The following CADM2 variants were observed in gnomAD, a reference collection of about 807,000 sequenced individuals.
The protein encoded by CADM2 is immunoglobulin superfamily member 4D.
CADM2 carries 12 observed loss-of-function variants against 49.8 expected under a neutral mutation model. The observed-to-expected ratio is 0.24, with a 90% confidence interval of 0.15 to 0.39. The LOEUF (loss-of-function observed/expected upper bound fraction) is 0.39. CADM2 is among the 10% of genes least tolerant of loss of function. The pLI, the probability that CADM2 is intolerant of heterozygous loss-of-function variation, is 1.00. For synonymous variants in CADM2, 214 were observed against 175.4 expected (o/e 1.22, Z -1.74); for missense variants, 378 against 492.3 (o/e 0.77, Z 2.20).
At chr3:85,584,411 A>G (rs1208502768) in intron 1 of CADM2, among the ~76,000 whole-genome samples, 1 of 152,118 alleles carries the variant, frequency 6.6e-6, no homozygotes, top group Non-Finnish European at 1.5e-5. Context: ...TGCAAATAAT[A>G]TTATGCTACC....
chr3:85,057,048 G>C (rs2036108397), intron 1 of CADM2, among the ~76,000 whole-genome samples: 1 of 152,106 alleles, frequency 6.6e-6, no homozygotes, highest in Non-Finnish European at 1.5e-5. Flanking sequence ...CTCTGGTGCA[G>C]ATAATCTCTC....
intron 1 of CADM2, among the ~76,000 whole-genome samples, chr3:85,387,763 A>AT (rs1233332850): frequency 1.3e-5 from 2 of 152,080 alleles, no homozygotes; most frequent in African/African-American, 2.4e-5. Flanking sequence ...ATGTGTGATC[A>AT]TTTTTTCAAT....
chr3:85,259,963 A>G (rs1400078082), intron 1 of CADM2, among the ~76,000 whole-genome samples: 1 of 151,928 alleles, frequency 6.6e-6, no homozygotes, highest in Non-Finnish European at 1.5e-5. Context: ...AGATGAGTCA[A>G]CTCTTAAAGC....
At position 85,030,053 on chromosome 3, in the gene CADM2, G is replaced by A. The variant is rs371422934; in HGVS notation, c.61+70385G>A. Among the ~76,000 whole-genome samples, 11 of 152,174 alleles carry A rather than the reference G, an allele frequency of 7.2e-5. 1 individual carries two copies. The East Asian group carries it at 1.9e-3, about 27-fold the overall frequency. On this transcript the variant is annotated intron_variant, in intron 1 of 9. Transcript: ENST00000383699. The stretch of plus-strand genomic sequence containing the variant: ...TTTTTTTCTCACTTCCTCTGCTCCA[G>A]TCTACTTCAGCAACCCACTCCTCTG...
chr3:85,809,148 AAAGTT>A (rs2072647432), intron 3 of CADM2, among the ~76,000 whole-genome samples: 1 of 152,258 alleles, frequency 6.6e-6, no homozygotes, highest in Non-Finnish European at 1.5e-5. Flanking sequence ...GTTATACAGT[AAAGTT>A]ATTAGATAAC....
chr3:85,660,632 A>G (rs1445244487), intron 1 of CADM2, among the ~76,000 whole-genome samples: 1 of 152,182 alleles, frequency 6.6e-6, no homozygotes, highest in East Asian at 1.9e-4. Context: ...TTTTCAAACT[A>G]TGGAGTTTAT....
chr3:85,030,749 CGTA>C, intron 1 of CADM2, among the ~76,000 whole-genome samples: 1 of 152,244 alleles, frequency 6.6e-6, no homozygotes, highest in South Asian at 2.1e-4. Context: ...TCAATCTTGG[CGTA>C]CACGAGTCCT....
intron 1 of CADM2, among the ~76,000 whole-genome samples, chr3:85,268,855 A>T (rs183907600): frequency 6.6e-6 from 1 of 151,416 alleles, no homozygotes; most frequent in East Asian, 1.9e-4. Flanking sequence ...GAAGTAAAAT[A>T]TTTTTATTAC....
chr3:85,318,921 A>G (rs2107091236), intron 1 of CADM2, among the ~76,000 whole-genome samples: 1 of 152,322 alleles, frequency 6.6e-6, no homozygotes, highest in African/African-American at 2.4e-5. Flanking sequence ...AATGTAATTT[A>G]CTTATTAATG....
intron 1 of CADM2, among the ~76,000 whole-genome samples, chr3:85,206,064 G>T (rs944947929): frequency 2.6e-5 from 4 of 151,918 alleles, no homozygotes; most frequent in African/African-American, 9.7e-5. Flanking sequence ...TATAATCAAA[G>T]AAGTTCCGGA....
At chr3:85,115,076 A>G (rs1177347027) in intron 1 of CADM2, among the ~76,000 whole-genome samples, 1 of 152,180 alleles carries the variant, frequency 6.6e-6, no homozygotes, top group Non-Finnish European at 1.5e-5. Flanking sequence ...AAAATTTCAA[A>G]AGAAAGAAGA....
chr3:85,164,595 A>G (rs2040420168), intron 1 of CADM2, among the ~76,000 whole-genome samples: 1 of 152,058 alleles, frequency 6.6e-6, no homozygotes, highest in Non-Finnish European at 1.5e-5. Flanking sequence ...AGAATGTGTT[A>G]GGCAGACATC....
chr3:85,665,337 T>C lies in CADM2; in HGVS notation c.62-61185T>C, dbSNP rs58271959. 8.5e-3 allele frequency among the ~76,000 whole-genome samples: 1,297 copies of C among 152,078 alleles called. 17 individuals carry two copies. The highest frequency in any genetic ancestry group is 0.03 in the African/African-American group (1,251 of 41,532). On this transcript the variant is annotated intron_variant, in intron 1 of 9. Coordinates refer to ENST00000383699, the MANE Select transcript of CADM2 (RefSeq NM_001167675.2). ...AACTTTATTAAATATAATTTAATTT[T>C]AATAATTCTGAAAACATTTTAAAGG...
intron 1 of CADM2, among the ~76,000 whole-genome samples, chr3:85,034,248 A>C (rs1031493927): frequency 6.6e-6 from 1 of 152,120 alleles, no homozygotes; most frequent in Non-Finnish European, 1.5e-5. Flanking sequence ...ATTTTTGTGC[A>C]TATTAATTGT....
In CADM2 at chr3:85,400,453, A is replaced by G. The variant is rs543755329; in HGVS notation, c.62-326069A>G. On this transcript the variant is annotated intron_variant, in intron 1 of 9. Coordinates refer to ENST00000383699, the MANE Select transcript of CADM2 (RefSeq NM_001167675.2). The stretch of plus-strand genomic sequence containing the variant: ...TGCCAGGCTTTGGTATCAGGATGAT[A>G]CTGGCCTCATAAAATGAGTTAGGGA... Among the ~76,000 whole-genome samples the G allele has an allele frequency of 2.6e-5, 4 of 152,242 alleles. No individual in the cohort carries two copies. In the East Asian group the frequency reaches 7.8e-4, roughly 30 times the overall value.
At chr3:85,885,455 G>A (rs969007137) in intron 4 of CADM2, among the ~76,000 whole-genome samples, 4 of 151,728 alleles carry the variant, frequency 2.6e-5, no homozygotes, top group Admixed American at 6.6e-5. Flanking sequence ...GGCAGATCAC[G>A]AGGTCAGGAG....
chr3:85,593,120 T>C (rs915575256), intron 1 of CADM2, among the ~76,000 whole-genome samples: 8 of 151,962 alleles, frequency 5.3e-5, no homozygotes, highest in African/African-American at 1.9e-4. Flanking sequence ...TCCATTTATT[T>C]TGTACATTAA....
intron 1 of CADM2, among the ~76,000 whole-genome samples, chr3:85,102,354 A>G (rs998983313): frequency 1.3e-5 from 2 of 152,208 alleles, no homozygotes; most frequent in African/African-American, 4.8e-5. Flanking sequence ...TTGATGAAGC[A>G]TTTACATAGT....
chr3:85,581,388 G>A (rs534415411), intron 1 of CADM2, among the ~76,000 whole-genome samples: 1 of 148,610 alleles, frequency 6.7e-6, no homozygotes, highest in Non-Finnish European at 1.5e-5. Context: ...ACAGAAACAC[G>A]TAAGAATTAG....
Sources: allele counts gnomAD v4.1 joint callset (sites outside exome capture counted in the v4.1 genomes callset), GRCh38; gene constraint gnomAD v4.1.1; transcripts MANE v1.5; gene names NCBI Gene and HGNC (gene_info 2026-07-23, HGNC 2026-07-21).